The following RABGAP1 variants were observed in gnomAD, a reference collection of about 807,000 sequenced individuals.
The protein encoded by RABGAP1 is RAB GTPase activating protein 1, also known as rab GTPase-activating protein 1.
A neutral mutation model predicts 137.6 loss-of-function variants in RABGAP1; 23 were observed. That is an observed-to-expected ratio of 0.17 (90% CI 0.12 to 0.24). The LOEUF is 0.24. RABGAP1 is among the 10% of genes least tolerant of loss of function. The pLI, the probability that RABGAP1 is intolerant of heterozygous loss-of-function variation, is 1.00. For synonymous variants in RABGAP1, 451 were observed against 450.7 expected (o/e 1.00, Z -0.01); for missense variants, 906 against 1,275.8 (o/e 0.71, Z 4.42).
At chr9:123,103,063 ATCC>A in intron 25 of RABGAP1, 25 bp from the exon 26 acceptor site, 1 of 1,608,306 alleles carries the variant, frequency 6.2e-7, no homozygotes, top group Non-Finnish European at 8.5e-7. Context: ...CAAGCCCAGC[ATCC>A]TCATGCACAC....
chr9:123,034,859 A>G (rs752905509), intron 13 of RABGAP1: 1 of 1,614,004 alleles, frequency 6.2e-7, no homozygotes, highest in East Asian at 2.2e-5. Flanking sequence ...CCAGTAGAGG[A>G]GTCCTTGACT....
In RABGAP1 at chr9:123,101,666, A is replaced by G; in HGVS notation, c.2990A>G (p.Asp997Gly). The G allele has an allele frequency of 6.2e-7, 1 of 1,614,106 alleles. No homozygotes were observed. Among genetic ancestry groups the G allele is most frequent in the East Asian group, 2.2e-5 (1 of 44,874 alleles). ...STKEVLDEDT[D>G]EEKETLKNQL... ...AAGGAGGTTTTAGATGAGGACACGG[A>G]TGAAGAGAAAGAGACGCTCAAGAAC... The change falls in exon 25 of 26, where the codon GAT becomes GGT. Residue 997 changes from aspartate to glycine, a missense_variant. Physicochemically the swap from Asp to Gly is moderately conservative, Grantham distance 94. Coordinates refer to ENST00000373647, the MANE Select transcript of RABGAP1 (RefSeq NM_012197.4).
At chr9:123,072,630 T>A (rs2034391087) in intron 15 of RABGAP1, among the ~76,000 whole-genome samples, 3 of 152,342 alleles carry the variant, frequency 2.0e-5, no homozygotes, top group Admixed American at 2.0e-4. Context: ...TGTGGCAAAG[T>A]GAAGTTGCCT....
At chr9:122,989,624 A>C in intron 5 of RABGAP1, 153 bp downstream of exon 5, 1 of 771,672 alleles carries the variant, frequency 1.3e-6, no homozygotes, top group Non-Finnish European at 2.0e-6. Flanking sequence ...CCAAAATATA[A>C]ATTAACTAAA....
the RABGAP1 span, among the ~76,000 whole-genome samples, chr9:122,933,350 T>G: frequency 6.6e-6 from 1 of 151,896 alleles, no homozygotes; most frequent in African/African-American, 2.4e-5. Flanking sequence ...TATAACCTTT[T>G]CAAATTTTAA....
intron 2 of RABGAP1, among the ~76,000 whole-genome samples, chr9:122,968,331 T>C (rs1372618701): frequency 6.6e-6 from 1 of 150,598 alleles, no homozygotes; most frequent in East Asian, 2.0e-4. Context: ...CAAATGATTC[T>C]CATACCTCAG....
chr9:122,943,072 C>CTTTTT lies in RABGAP1; in HGVS notation c.-50+2004_-50+2008dup, dbSNP rs10582436. 6.9e-5 allele frequency among the ~76,000 whole-genome samples: 8 copies of CTTTTT among 116,174 alleles called. 1 individual carries two copies. The highest frequency in any genetic ancestry group is 3.4e-4 in the African/African-American group (8 of 23,658). The allele number at this position is 116,174 out of a possible 152,430, so 76.2% of individuals were successfully genotyped here. ...ATATAGTCATGTTGTGGTGCACTTT[C>CTTTTT]TTTTTTTTTTTTTTTTTTTTTTTTT... On this transcript the variant is annotated intron_variant, in intron 1 of 25. Coordinates refer to ENST00000373647, the MANE Select transcript of RABGAP1 (RefSeq NM_012197.4).
chr9:122,979,893 A>C (rs1420571660), intron 2 of RABGAP1, among the ~76,000 whole-genome samples: 1 of 152,226 alleles, frequency 6.6e-6, no homozygotes, highest in Non-Finnish European at 1.5e-5. Context: ...TAATTGTGGT[A>C]TCTGTTAGGA....
At position 123,089,829 on chromosome 9, in the gene RABGAP1, A is replaced by G. The variant is rs369892760; in HGVS notation, c.2496A>G (p.Glu832=). 8 of 1,613,708 alleles carry G rather than the reference A, an allele frequency of 5.0e-6. No individual in the cohort carries two copies. The African/African-American group carries it at 9.3e-5, about 19-fold the overall frequency. Residue 832 remains glutamate, a synonymous_variant, in exon 20 of 26, where the codon GAA becomes GAG. Transcript: ENST00000373647. The stretch of plus-strand genomic sequence containing the variant: ...TGAGGGAACAGCAGGCCCAGCAAGA[A>G]GACCCCATCGAGCGATTTGAGGTTT... ...HTMREQQAQQ[E]DPIERFEREN...
chr9:123,076,186 A>G (rs1386541595), intron 17 of RABGAP1, 59 bp from the exon 18 acceptor site: 18 of 1,539,810 alleles, frequency 1.2e-5, no homozygotes, highest in Non-Finnish European at 1.6e-5. Context: ...ATAAGGACAA[A>G]TAGCATAATA....
At position 123,049,815 on chromosome 9, in the gene RABGAP1, G is replaced by C. The variant is rs2033378615; in HGVS notation, c.1795-15533G>C. 2.6e-5 allele frequency among the ~76,000 whole-genome samples: 4 copies of C among 152,228 alleles called. No individual in the cohort carries two copies. In the South Asian group the frequency reaches 8.3e-4, roughly 32 times the overall value. On this transcript the variant is annotated intron_variant, in intron 13 of 25. Transcript: ENST00000373647. ...TAAATCTCAAGTCTGTTGAGAAAGA[G>C]CTACCGCTGATATACCAGGCCTTAA...
chr9:123,067,792 T>C (rs1327516640), intron 14 of RABGAP1, among the ~76,000 whole-genome samples: 1 of 152,230 alleles, frequency 6.6e-6, no homozygotes. Context: ...ACATGAAACT[T>C]ATACTCCAAA....
intron 13 of RABGAP1, among the ~76,000 whole-genome samples, chr9:123,027,112 T>C (rs953581180): frequency 2.0e-4 from 30 of 146,872 alleles, no homozygotes; most frequent in Middle Eastern, 3.5e-3. Flanking sequence ...TCTTTTCTTT[T>C]TTTTTTTTTT....
At chr9:122,933,001 A>G in the RABGAP1 span, among the ~76,000 whole-genome samples, 1 of 152,220 alleles carries the variant, frequency 6.6e-6, no homozygotes. Flanking sequence ...ATTGTGGCAT[A>G]CAGTCTGGTG....
intron 2 of RABGAP1, among the ~76,000 whole-genome samples, chr9:122,964,415 T>C (rs1835018583): frequency 1.3e-5 from 2 of 152,130 alleles, no homozygotes; most frequent in South Asian, 4.1e-4. Context: ...GTTTAACATC[T>C]GAAAATTATT....
chr9:123,095,797 C>T (rs554672638), intron 21 of RABGAP1, among the ~76,000 whole-genome samples: 1 of 151,194 alleles, frequency 6.6e-6, no homozygotes, highest in South Asian at 2.1e-4. Context: ...TATTTTCATT[C>T]AGTTCTTGTG....
intron 10 of RABGAP1, 49 bp downstream of exon 10, chr9:122,998,815 TC>T: frequency 7.7e-7 from 1 of 1,296,782 alleles, no homozygotes; most frequent in Non-Finnish European, 1.1e-6. Context: ...AAAGGAGAAA[TC>T]ACGTCTGAGG....
At position 123,031,635 on chromosome 9, in the gene RABGAP1, C is replaced by G. The variant is rs561735957; in HGVS notation, c.1794+11176C>G. On this transcript the variant is annotated intron_variant, in intron 13 of 25. Transcript: ENST00000373647. Reference sequence around the variant, plus strand: ...CTATTGTGGAAATACATTTTCAGGACTTGGTGACTCAGAACTAAGTGCTTT... The same window carrying G: ...CTATTGTGGAAATACATTTTCAGGAGTTGGTGACTCAGAACTAAGTGCTTT... 4.5e-4 allele frequency among the ~76,000 whole-genome samples: 68 copies of G among 152,264 alleles called. 1 individual carries two copies. The South Asian group carries it at 0.013, about 29-fold the overall frequency.
chr9:123,079,679 G>A (rs2034647745), intron 19 of RABGAP1, among the ~76,000 whole-genome samples: 1 of 152,038 alleles, frequency 6.6e-6, no homozygotes, highest in African/African-American at 2.4e-5. Flanking sequence ...CAGACACGCT[G>A]GCCTCCTTGC....
Sources: allele counts gnomAD v4.1 joint callset (sites outside exome capture counted in the v4.1 genomes callset), GRCh38; gene constraint gnomAD v4.1.1; transcripts MANE v1.5; gene names NCBI Gene and HGNC (gene_info 2026-07-23, HGNC 2026-07-21).